Variants in AUTS2 observed in about 807,000 individuals in gnomAD.
AUTS2 encodes the protein autism susceptibility gene 2 protein.
Under a neutral mutation model 112.4 loss-of-function variants are expected in AUTS2, and 17 were observed. The ratio of observed to expected loss-of-function variants is 0.15; its 90% CI spans 0.10 to 0.23. AUTS2 has a LOEUF of 0.23. AUTS2 is among the 10% of genes least tolerant of loss of function. AUTS2 has a pLI of 1.00. For synonymous variants in AUTS2, 751 were observed against 702.7 expected (o/e 1.07, Z -1.09); for missense variants, 1,510 against 1,701.6 (o/e 0.89, Z 1.98).
intron 5 of AUTS2, among the ~76,000 whole-genome samples, chr7:70,536,832 G>A (rs1800342452): frequency 6.6e-6 from 1 of 152,054 alleles, no homozygotes; most frequent in South Asian, 2.1e-4. Flanking sequence ...CCCAGGAGGT[G>A]GAGGTTGCGG....
chr7:69,843,387 A>G (rs529769560), intron 1 of AUTS2, among the ~76,000 whole-genome samples: 1 of 152,242 alleles, frequency 6.6e-6, no homozygotes, highest in East Asian at 1.9e-4. Flanking sequence ...TTCTTAGGGC[A>G]GAGTTTTTCA....
intron 4 of AUTS2, among the ~76,000 whole-genome samples, chr7:70,296,096 A>G (rs1788922091): frequency 6.6e-6 from 1 of 152,172 alleles, no homozygotes; most frequent in South Asian, 2.1e-4. Flanking sequence ...GACCTGTGGC[A>G]TAGTGGAGAC....
chr7:70,028,692 C>T (rs1563050825), intron 2 of AUTS2, among the ~76,000 whole-genome samples: 2 of 152,096 alleles, frequency 1.3e-5, no homozygotes, highest in African/African-American at 2.4e-5. Context: ...CAATATTTTT[C>T]TCTCTCTTTA....
At chr7:70,538,473 T>C (rs1800414539) in intron 5 of AUTS2, among the ~76,000 whole-genome samples, 1 of 152,068 alleles carries the variant, frequency 6.6e-6, no homozygotes, top group Non-Finnish European at 1.5e-5. Flanking sequence ...GAGGTTGCAG[T>C]GATCCGAGAT....
At chr7:69,790,152 G>A (rs1002200081) in intron 1 of AUTS2, among the ~76,000 whole-genome samples, 1 of 152,028 alleles carries the variant, frequency 6.6e-6, no homozygotes, top group African/African-American at 2.4e-5. Flanking sequence ...ATGGCTGAAT[G>A]TGGTGGCACG....
At chr7:69,982,143 T>C (rs931395792) in intron 2 of AUTS2, among the ~76,000 whole-genome samples, 6 of 152,266 alleles carry the variant, frequency 3.9e-5, no homozygotes, top group South Asian at 4.2e-4. Flanking sequence ...CCTGAAAACA[T>C]TTTTGTTTGC....
chr7:70,390,348 G>T (rs1349944829), intron 4 of AUTS2, among the ~76,000 whole-genome samples: 1 of 152,142 alleles, frequency 6.6e-6, no homozygotes, highest in Admixed American at 6.5e-5. Context: ...AGGTGATGGT[G>T]CTAATGCTGC....
At position 69,888,569 on chromosome 7, in the gene AUTS2, A is replaced by G. The variant is rs867753916; in HGVS notation, c.310-10717A>G. On this transcript the variant is annotated intron_variant, in intron 1 of 18. Transcript: ENST00000342771. ...TATATATATATATATATATATATATATATGTATGGTTTTTTAAATTATTAT... is the reference window on the plus strand; with the variant it reads ...TATATATATATATATATATATATATGTATGTATGGTTTTTTAAATTATTAT... Among the ~76,000 whole-genome samples, 293 of 141,542 alleles carry G rather than the reference A, an allele frequency of 2.1e-3. 3 individuals are homozygous for G. Among genetic ancestry groups the G allele is most frequent in the Middle Eastern group, 0.011 (3 of 274 alleles). 92.9% of individuals were successfully genotyped at this position (141,542 alleles called of 152,430 possible).
chr7:70,520,927 A>C (rs1799617836), intron 5 of AUTS2, among the ~76,000 whole-genome samples: 2 of 152,188 alleles, frequency 1.3e-5, no homozygotes, highest in African/African-American at 4.8e-5. Context: ...TTGGAGAAAC[A>C]ATCTTTCTGG....
chr7:70,714,331 T>C (rs1221782326), intron 6 of AUTS2, among the ~76,000 whole-genome samples: 1 of 152,242 alleles, frequency 6.6e-6, no homozygotes, highest in African/African-American at 2.4e-5. Flanking sequence ...GTCCACCTTT[T>C]TTTTCTTTAT....
At chr7:69,645,823 C>G (rs545104532) in intron 1 of AUTS2, among the ~76,000 whole-genome samples, 11 of 151,992 alleles carry the variant, frequency 7.2e-5, no homozygotes, top group African/African-American at 2.7e-4. Context: ...GATTTAGGGC[C>G]TATAAAAAAC....
intron 5 of AUTS2, among the ~76,000 whole-genome samples, chr7:70,693,585 C>T (rs2129546685): frequency 6.6e-6 from 1 of 152,334 alleles, no homozygotes; most frequent in East Asian, 1.9e-4. Context: ...AGACCGTGAT[C>T]CCCGTCTCCA....
chr7:69,731,555 G>A (rs903465806), intron 1 of AUTS2, among the ~76,000 whole-genome samples: 2 of 152,172 alleles, frequency 1.3e-5, no homozygotes, highest in Non-Finnish European at 2.9e-5. Context: ...AGTAACATTT[G>A]TATAACATTT....
chr7:70,495,105 A>G (rs1562992765), intron 5 of AUTS2, among the ~76,000 whole-genome samples: 2 of 152,188 alleles, frequency 1.3e-5, no homozygotes, highest in East Asian at 1.9e-4. Flanking sequence ...AAGTAGGGTG[A>G]TATTTTCCTT....
intron 5 of AUTS2, among the ~76,000 whole-genome samples, chr7:70,496,913 A>T (rs111211658): frequency 3.1e-5 from 3 of 97,644 alleles, no homozygotes; most frequent in African/African-American, 9.0e-5. Context: ...CACCCCTCAC[A>T]CACACCACGT....
At chr7:70,239,446 T>C (rs1812492888) in intron 4 of AUTS2, among the ~76,000 whole-genome samples, 1 of 152,094 alleles carries the variant, frequency 6.6e-6, no homozygotes, top group South Asian at 2.1e-4. Flanking sequence ...TTTTTTGTTT[T>C]GTTTTTGAGA....
intron 5 of AUTS2, among the ~76,000 whole-genome samples, chr7:70,517,103 A>G (rs188170190): frequency 1.3e-3 from 196 of 152,356 alleles, no homozygotes; most frequent in African/African-American, 4.4e-3. Context: ...GGACTTATGC[A>G]GCATATCACA....
At chr7:69,952,534 T>A (rs180985582) in intron 2 of AUTS2, among the ~76,000 whole-genome samples, 1 of 152,318 alleles carries the variant, frequency 6.6e-6, no homozygotes, top group African/African-American at 2.4e-5. Context: ...GTTGTAATAC[T>A]GGGTTAAATA....
chr7:70,177,278 C>G (rs1207138586), intron 4 of AUTS2, among the ~76,000 whole-genome samples: 1 of 152,170 alleles, frequency 6.6e-6, no homozygotes, highest in Non-Finnish European at 1.5e-5. Flanking sequence ...CAAGGAGGTA[C>G]TGTTATTGAC....
Sources: gnomAD v4.1 joint callset for allele counts (sites outside exome capture counted in the v4.1 genomes callset) on GRCh38, gnomAD v4.1.1 for gene constraint, MANE v1.5 for transcripts, NCBI Gene and HGNC (gene_info 2026-07-23, HGNC 2026-07-21) for gene names.